Variants in GFOD1 observed in about 807,000 individuals in gnomAD.
GFOD1 encodes the protein glucose-fructose oxidoreductase domain-containing protein 1.
GFOD1 carries 9 observed loss-of-function variants against 25.4 expected under a neutral mutation model. The observed-to-expected ratio is 0.35, with a 90% CI of 0.21 to 0.62. The LOEUF is 0.62. Ranked by LOEUF, GFOD1 falls within the 20% of genes least tolerant of loss-of-function variation. GFOD1 has a pLI of 0.72. For missense variants in GFOD1, 403 were observed against 556.9 expected (o/e 0.72, Z 2.78); for synonymous variants, 253 against 245.6 (o/e 1.03, Z -0.28).
intron 1 of GFOD1, among the ~76,000 whole-genome samples, chr6:13,373,204 A>G (rs1554199300): frequency 1.3e-5 from 2 of 152,216 alleles, no homozygotes. Flanking sequence ...AAAGTGATAA[A>G]CAATGAAACC....
At position 13,378,475 on chromosome 6, in the gene GFOD1, T is replaced by A. The variant is rs554873768; in HGVS notation, c.254-12813A>T. Among the ~76,000 whole-genome samples, 5 of 152,358 alleles carry A rather than the reference T, an allele frequency of 3.3e-5. No individual in the cohort carries two copies. In the South Asian group the frequency reaches 1.0e-3, roughly 32 times the overall value. On this transcript the variant is annotated intron_variant, in intron 1 of 1. Coordinates refer to ENST00000379287, the MANE Select transcript of GFOD1 (RefSeq NM_018988.4). ...GGAGGCTTGACATGGGAGAACACAG[T>A]GGCTCTTCTCTTTGAAGACGAATAG...
chr6:13,476,315 T>A (rs1758623326), intron 1 of GFOD1, among the ~76,000 whole-genome samples: 1 of 152,122 alleles, frequency 6.6e-6, no homozygotes, highest in Non-Finnish European at 1.5e-5. Context: ...ATCAAAAACG[T>A]TATGCTAAGT....
intron 1 of GFOD1, among the ~76,000 whole-genome samples, chr6:13,435,083 T>C (rs1043170626): frequency 6.6e-6 from 1 of 152,198 alleles, no homozygotes; most frequent in African/African-American, 2.4e-5. Flanking sequence ...CCAGCCTTCA[T>C]GTCCTTACAG....
chr6:13,378,799 A>G (rs891858033), intron 1 of GFOD1, among the ~76,000 whole-genome samples: 1 of 152,160 alleles, frequency 6.6e-6, no homozygotes, highest in Non-Finnish European at 1.5e-5. Flanking sequence ...CTAGGAACGC[A>G]TGTCCTTGGA....
At position 13,481,299 on chromosome 6, in the gene GFOD1, AT is replaced by A. The variant is rs200183844; in HGVS notation, c.253+5338del. 4.3e-3 allele frequency among the ~76,000 whole-genome samples: 649 copies of A among 152,354 alleles called. 4 individuals are homozygous for A. Among genetic ancestry groups the A allele is most frequent in the African/African-American group, 0.015 (633 of 41,586 alleles). On this transcript the variant is annotated intron_variant, in intron 1 of 1. Transcript: ENST00000379287. ...ACTTGAAAGTGAGAATGAGCTAGCC[AT>A]TCCAAAAAGTGAGGCAAGAACCTTC...
intron 1 of GFOD1, among the ~76,000 whole-genome samples, chr6:13,480,308 G>C (rs1758719762): frequency 6.6e-6 from 1 of 152,190 alleles, no homozygotes; most frequent in African/African-American, 2.4e-5. Flanking sequence ...CAAAAACAGA[G>C]ATCATGAAAA....
chr6:13,390,171 C>T (rs1006086961), intron 1 of GFOD1, among the ~76,000 whole-genome samples: 3 of 152,204 alleles, frequency 2.0e-5, no homozygotes, highest in Non-Finnish European at 4.4e-5. Context: ...AATCATATGA[C>T]ATCTGGAATT....
intron 1 of GFOD1, among the ~76,000 whole-genome samples, chr6:13,393,368 C>CAAAAAAAAAAA (rs70989853): frequency 1.4e-5 from 1 of 72,490 alleles, no homozygotes; most frequent in Non-Finnish European, 2.5e-5. Context: ...AAACAACCAC[C>CAAAAAAAAAAA]AAAAAAAAAA....
chr6:13,440,890 A>G (rs1198276043), intron 1 of GFOD1, among the ~76,000 whole-genome samples: 1 of 152,152 alleles, frequency 6.6e-6, no homozygotes, highest in East Asian at 1.9e-4. Flanking sequence ...TACATTCTCC[A>G]CTGCTCTTCT....
chr6:13,404,351 C>T (rs748085838), intron 1 of GFOD1, among the ~76,000 whole-genome samples: 11 of 152,140 alleles, frequency 7.2e-5, no homozygotes, highest in Non-Finnish European at 1.2e-4. Flanking sequence ...CCAGGAAGAC[C>T]GAGGAACTTG....
At position 13,470,719 on chromosome 6, in the gene GFOD1, A is replaced by G. The variant is rs1001234914; in HGVS notation, c.253+15919T>C. 7.7e-6 allele frequency: 11 copies of G among 1,434,776 alleles called. No homozygotes were observed. In the African/African-American group the frequency reaches 1.6e-4, roughly 21 times the overall value. 88.9% of individuals were successfully genotyped at this position (1,434,776 alleles called of 1,614,324 possible). A position where few individuals can be genotyped will look rare whatever the true frequency, so the allele number is the denominator to read the frequency against. On this transcript the variant is annotated intron_variant, in intron 1 of 1. Transcript: ENST00000379287. ...ATTATTCATATTCATGTGGGAGATA[A>G]GAAGAGCCTGCCAGGGACACATTTA...
At chr6:13,479,062 C>CAAA (rs11342958) in intron 1 of GFOD1, among the ~76,000 whole-genome samples, 1 of 127,450 alleles carries the variant, frequency 7.8e-6, no homozygotes. Context: ...ATCCCTTTAC[C>CAAA]AAAAAAAAAA....
chr6:13,417,453 A>G (rs1254868540), intron 1 of GFOD1, among the ~76,000 whole-genome samples: 1 of 152,092 alleles, frequency 6.6e-6, no homozygotes, highest in Non-Finnish European at 1.5e-5. Context: ...TTATTAACCT[A>G]TTTCCAATGG....
At chr6:13,442,773 G>T (rs931132534) in intron 1 of GFOD1, among the ~76,000 whole-genome samples, 1 of 152,128 alleles carries the variant, frequency 6.6e-6, no homozygotes, top group African/African-American at 2.4e-5. Context: ...GATTCCTCTC[G>T]AACCATTACT....
At chr6:13,457,658 C>A (rs1041747321) in intron 1 of GFOD1, among the ~76,000 whole-genome samples, 2 of 152,212 alleles carry the variant, frequency 1.3e-5, no homozygotes, top group Admixed American at 6.5e-5. Flanking sequence ...CAACAACCAT[C>A]TATAACAAAG....
rs1554198307 is a variant in GFOD1 at position 13,359,809 on chromosome 6, TG to T, written c.*4933del. On this transcript the variant is annotated 3_prime_UTR_variant, in exon 2 of 2. Coordinates refer to ENST00000379287, the MANE Select transcript of GFOD1 (RefSeq NM_018988.4). ...TAAAAATACAAAAATTAGCCGGGCA[TG>T]GTGGCGTGCGTCTGTAATCCCAGCT... 1.3e-5 allele frequency: 2 copies of T among 152,160 alleles called. No individual in the cohort carries two copies. Among genetic ancestry groups the T allele is most frequent in the Non-Finnish European group, 2.9e-5 (2 of 68,092 alleles). 9.4% of individuals were successfully genotyped at this position (152,160 alleles called of 1,614,324 possible).
chr6:13,414,918 G>T (rs1454423736), intron 1 of GFOD1, among the ~76,000 whole-genome samples: 1 of 152,204 alleles, frequency 6.6e-6, no homozygotes, highest in African/African-American at 2.4e-5. Flanking sequence ...AAAGGCCATT[G>T]TAATCCCAAC....
At chr6:13,415,142 C>T (rs560220080) in intron 1 of GFOD1, among the ~76,000 whole-genome samples, 2 of 152,186 alleles carry the variant, frequency 1.3e-5, no homozygotes, top group East Asian at 1.9e-4. Flanking sequence ...CCCCAGCACT[C>T]GTGCCCTGTC....
intron 1 of GFOD1, among the ~76,000 whole-genome samples, chr6:13,457,398 C>T (rs1424461655): frequency 1.3e-5 from 2 of 152,208 alleles, no homozygotes; most frequent in Non-Finnish European, 2.9e-5. Context: ...AGAAACTTGG[C>T]TCACACAGCA....
Sources: allele counts gnomAD v4.1 joint callset (sites outside exome capture counted in the v4.1 genomes callset), GRCh38; gene constraint gnomAD v4.1.1; transcripts MANE v1.5; gene names NCBI Gene and HGNC (gene_info 2026-07-23, HGNC 2026-07-21).